Variants in MYH9 observed in about 807,000 individuals in gnomAD.
The protein encoded by MYH9 is myosin heavy chain 9, also known as myosin-9.
In MYH9, 29 loss-of-function variants were observed where a neutral mutation model predicts 241.9. The observed-to-expected ratio is 0.12, with a 90% CI of 0.09 to 0.16. MYH9 has a LOEUF of 0.16. MYH9 is among the 10% of genes least tolerant of loss of function. MYH9 has a pLI of 1.00. For missense variants in MYH9, 1,803 were observed against 2,595.5 expected (o/e 0.69, Z 6.63); for synonymous variants, 1,047 against 1,062.6 (o/e 0.99, Z 0.29).
At chr22:36,282,987 C>T (rs2016517801) in intron 40 of MYH9, among the ~76,000 whole-genome samples, 1 of 152,172 alleles carries the variant, frequency 6.6e-6, no homozygotes, top group Non-Finnish European at 1.5e-5. Flanking sequence ...AAGCTTCCCG[C>T]AAAATGTTTA....
In MYH9 at chr22:36,288,679, G is replaced by T. The variant is rs1339857393; in HGVS notation, c.4770+48C>A. ...AGGAGAGAACAGAAGCCTGCGTGAA[G>T]CCAAGGCAGCCTTGGGCACCCATGG... On this transcript the variant is annotated intron_variant, in intron 33 of 40. Transcript: ENST00000216181. The surrounding 1 kb of genome is among the most constrained non-coding windows in gnomAD (Gnocchi z 4.8). The T allele has an allele frequency of 6.3e-7, 1 of 1,592,296 alleles. No homozygotes were observed. The highest frequency in any genetic ancestry group is 8.5e-7 in the Non-Finnish European group (1 of 1,173,618).
chr22:36,345,679 C>A (rs1745242609), intron 2 of MYH9, among the ~76,000 whole-genome samples: 1 of 152,208 alleles, frequency 6.6e-6, no homozygotes, highest in African/African-American at 2.4e-5. Context: ...TCCTTAGGGA[C>A]AGGGGCCTTT....
chr22:36,372,011 C>A (rs1354996604), intron 1 of MYH9, among the ~76,000 whole-genome samples: 1 of 151,986 alleles, frequency 6.6e-6, no homozygotes, highest in Admixed American at 6.6e-5. Flanking sequence ...GAACCTAGAA[C>A]AGTCTCTAGC....
rs572560792 is a variant in MYH9 at position 36,358,384 on chromosome 22, A to C, written c.-19-9129T>G. Among the ~76,000 whole-genome samples the C allele has an allele frequency of 6.2e-4, 95 of 152,290 alleles. 1 individual carries two copies. The highest frequency in any genetic ancestry group is 2.2e-3 in the African/African-American group (93 of 41,554). ...CAGGCCCAAACGCTATTTATTGAAT[A>C]GTTTTGGCAAATCAATCTGGATTAG... is the stretch of plus-strand genomic sequence containing the variant. On this transcript the variant is annotated intron_variant, in intron 1 of 40. Transcript: ENST00000216181.
intron 19 of MYH9, 62 bp downstream of exon 19, chr22:36,303,933 T>C: frequency 1.9e-6 from 3 of 1,599,568 alleles, no homozygotes; most frequent in African/African-American, 1.3e-5. Flanking sequence ...TAAGTGCCCT[T>C]TGGCAACAGA....
At chr22:36,321,964 G>C (rs2017260319) in intron 6 of MYH9, 143 bp from the exon 7 acceptor site, 3 of 776,554 alleles carry the variant, frequency 3.9e-6, no homozygotes, top group Non-Finnish European at 6.8e-6. Context: ...CCATGTACCA[G>C]GCCAGGGGCC....
intron 1 of MYH9, among the ~76,000 whole-genome samples, chr22:36,370,954 G>A (rs1160046619): frequency 6.6e-6 from 1 of 152,168 alleles, no homozygotes; most frequent in African/African-American, 2.4e-5. Context: ...TAGCTACCCA[G>A]AGAACACTAA....
chr22:36,377,417 T>TA (rs925800342), intron 1 of MYH9, among the ~76,000 whole-genome samples: 44 of 146,474 alleles, frequency 3.0e-4, no homozygotes, highest in African/African-American at 5.0e-4. Flanking sequence ...ACAGCCTTTC[T>TA]AAAAAAAAAA....
At position 36,306,648 on chromosome 22, in the gene MYH9, G is replaced by A. The variant is rs751390260; in HGVS notation, c.1844-41C>T. On this transcript the variant is annotated intron_variant, in intron 15 of 40. Transcript: ENST00000216181. This position sits in a 1 kb window ranked among gnomAD's most constrained non-coding sequence, Gnocchi z 4.1. ...AGAACACGTGAGTGCCCACACAGTTGCAGCTGGGTGGTGGGGGAGCACGTA... is the reference window on the plus strand; with the variant it reads ...AGAACACGTGAGTGCCCACACAGTTACAGCTGGGTGGTGGGGGAGCACGTA... 2 of 1,589,982 alleles carry A rather than the reference G, an allele frequency of 1.3e-6. No homozygotes were observed. The highest frequency in any genetic ancestry group is 3.4e-5 in the Admixed American group (2 of 58,470).
intron 19 of MYH9, 64 bp from the exon 20 acceptor site, chr22:36,302,740 G>A (rs1486986690): frequency 1.4e-6 from 2 of 1,428,008 alleles, no homozygotes; most frequent in African/African-American, 1.4e-5. Context: ...AACAGTCCTG[G>A]TCTTGTCCTC....
chr22:36,318,979 G>A (rs539076581), intron 10 of MYH9, among the ~76,000 whole-genome samples: 73 of 152,074 alleles, frequency 4.8e-4, no homozygotes, highest in African/African-American at 1.6e-3. Flanking sequence ...GGCCAGGCTG[G>A]TCTCGAACTC....
At chr22:36,326,483 G>A in intron 5 of MYH9, 85 bp downstream of exon 5, 1 of 1,235,698 alleles carries the variant, frequency 8.1e-7, no homozygotes, top group Admixed American at 1.7e-5. Flanking sequence ...TTGTAAAGCT[G>A]AAGCCGGGAC....
intron 1 of MYH9, among the ~76,000 whole-genome samples, chr22:36,367,188 C>G (rs1050797232): frequency 2.0e-5 from 3 of 152,138 alleles, no homozygotes; most frequent in Non-Finnish European, 2.9e-5. Flanking sequence ...TCTCTTCCTT[C>G]GTCACCCTCC....
In MYH9 at chr22:36,326,574, C is replaced by G. The variant is rs768277556; in HGVS notation, c.606G>C (p.Lys202Asn). The G allele has an allele frequency of 3.1e-6, 5 of 1,614,214 alleles. No homozygotes were observed. In the South Asian group the frequency reaches 4.4e-5, roughly 14 times the overall value. The change falls in exon 5 of 41, where the codon AAG becomes AAC. Residue 202 changes from lysine (K) to asparagine (N), a missense_variant. Physicochemically the swap from Lys to Asn is moderately conservative, Grantham distance 94 (BLOSUM62 0). Coordinates refer to ENST00000216181, the MANE Select transcript of MYH9 (RefSeq NM_002473.6). ...CAAGGGCTGCAGCACTCACCTGGTC[C>G]TTCTTGCTCTTGTGCGAGGACGCCA... ...AYVASSHKSKKDQGELERQLL... is the reference protein window; with the variant it reads ...AYVASSHKSKNDQGELERQLL...
intron 1 of MYH9, among the ~76,000 whole-genome samples, chr22:36,358,917 A>ACCC (rs2146403685): frequency 6.6e-6 from 1 of 152,268 alleles, no homozygotes; most frequent in African/African-American, 2.4e-5. Context: ...GCCCTCTAGG[A>ACCC]CCCCACCCAT....
Position 36,301,712 on chromosome 22 carries a change from C to T in MYH9, c.2500-47G>A, listed in dbSNP as rs199688710. The T allele has an allele frequency of 6.8e-5, 110 of 1,607,040 alleles. No homozygotes were observed. In the African/African-American group the frequency reaches 1.3e-3, roughly 18 times the overall value. On this transcript the variant is annotated intron_variant, in intron 20 of 40. Transcript: ENST00000216181. ...GAGACATGCTCGGCTGGAAGATGCCCGCCTCTGCCAACAGGTGTGAGGCCT... is the reference window on the plus strand; with the variant it reads ...GAGACATGCTCGGCTGGAAGATGCCTGCCTCTGCCAACAGGTGTGAGGCCT...
intron 38 of MYH9, 125 bp from the exon 39 acceptor site, chr22:36,284,636 T>C: frequency 1.2e-6 from 1 of 868,754 alleles, no homozygotes; most frequent in Non-Finnish European, 1.9e-6. Context: ...AGGGAGGCCT[T>C]TGCTAGACAC....
At position 36,360,910 on chromosome 22, in the gene MYH9, A is replaced by G. The variant is rs2017926729; in HGVS notation, c.-19-11655T>C. On this transcript the variant is annotated intron_variant, in intron 1 of 40. Coordinates refer to ENST00000216181, the MANE Select transcript of MYH9 (RefSeq NM_002473.6). ...CTGTGCAATCCTGCAGGCACCACCC[A>G]GGCCTCGGCTTTCCCACCTGCAAAA... Among the ~76,000 whole-genome samples the G allele has an allele frequency of 3.9e-5, 6 of 152,130 alleles. No individual in the cohort carries two copies. In the South Asian group the frequency reaches 1.2e-3, roughly 32 times the overall value.
chr22:36,362,483 G>A (rs1351400953), intron 1 of MYH9, among the ~76,000 whole-genome samples: 1 of 152,104 alleles, frequency 6.6e-6, no homozygotes, highest in Non-Finnish European at 1.5e-5. Flanking sequence ...ACAGAGACAT[G>A]GCTTTAGATC....
Sources: allele counts gnomAD v4.1 joint callset (sites outside exome capture counted in the v4.1 genomes callset), GRCh38; gene constraint gnomAD v4.1.1; non-coding constraint Gnocchi (gnomAD v3.1); transcripts MANE v1.5; gene names NCBI Gene and HGNC (gene_info 2026-07-23, HGNC 2026-07-21).